TENM4: variants seen among roughly 807,000 people sequenced by gnomAD.
TENM4 encodes the protein teneurin transmembrane protein 4.
A neutral mutation model predicts 243.3 loss-of-function variants in TENM4; 82 were observed. That is an observed-to-expected ratio of 0.34 (90% CI 0.28 to 0.40). TENM4 has a LOEUF of 0.40. Among genes scored for constraint, TENM4 ranks in the 10% least tolerant of loss-of-function variants. The pLI is 1.00. For missense variants in TENM4, 3,138 were observed against 3,673.3 expected (o/e 0.85, Z 3.77); for synonymous variants, 1,412 against 1,456.3 (o/e 0.97, Z 0.69).
intron 1 of TENM4, among the ~76,000 whole-genome samples, chr11:79,357,560 C>T (rs1191765613): frequency 6.6e-6 from 1 of 152,184 alleles, no homozygotes; most frequent in Admixed American, 6.5e-5. Context: ...AATTCCTGCT[C>T]TTGAACATGG....
intron 26 of TENM4, among the ~76,000 whole-genome samples, chr11:78,709,030 C>T (rs923521159): frequency 1.7e-4 from 26 of 148,742 alleles, no homozygotes; most frequent in South Asian, 6.3e-4. Context: ...TGCAGTGGCG[C>T]GATCTCGGCT....
Position 79,203,948 on chromosome 11 carries a change from G to A in TENM4, c.-163+11860C>T, listed in dbSNP as rs144102697. On this transcript the variant is annotated intron_variant, in intron 3 of 33. Coordinates refer to ENST00000278550, the MANE Select transcript of TENM4 (RefSeq NM_001098816.3). Reference sequence around the variant, plus strand: ...CAACCTAGATAAACCTTGAAAACACGCTAAGTGAAAGAAGCCAGCCACAAA... The same window carrying A: ...CAACCTAGATAAACCTTGAAAACACACTAAGTGAAAGAAGCCAGCCACAAA... Among the ~76,000 whole-genome samples, 24 of 152,302 alleles carry A rather than the reference G, an allele frequency of 1.6e-4. No homozygotes were observed. The East Asian group carries it at 4.2e-3, about 27-fold the overall frequency.
intron 1 of TENM4, among the ~76,000 whole-genome samples, chr11:79,352,031 C>T (rs1326087716): frequency 1.3e-5 from 2 of 152,146 alleles, no homozygotes; most frequent in East Asian, 1.9e-4. Flanking sequence ...ATAATAATAC[C>T]TATTTCATAA....
intron 3 of TENM4, among the ~76,000 whole-genome samples, chr11:79,178,062 C>T (rs892807307): frequency 4.6e-5 from 7 of 152,118 alleles, no homozygotes; most frequent in East Asian, 1.9e-4. Flanking sequence ...GGAAGTAGTC[C>T]GATCATATAC....
intron 4 of TENM4, among the ~76,000 whole-genome samples, chr11:79,095,420 A>G (rs566583422): frequency 6.6e-6 from 1 of 152,346 alleles, no homozygotes; most frequent in African/African-American, 2.4e-5. Context: ...CTTACAAGCC[A>G]TATCATTAAT....
At chr11:78,768,568 T>C (rs1203286421) in intron 18 of TENM4, among the ~76,000 whole-genome samples, 1 of 152,252 alleles carries the variant, frequency 6.6e-6, no homozygotes, top group Non-Finnish European at 1.5e-5. Flanking sequence ...CCCAGTACCC[T>C]GGACAGGGCC....
chr11:79,358,729 C>T (rs1006106154), intron 1 of TENM4, among the ~76,000 whole-genome samples: 9 of 99,402 alleles, frequency 9.1e-5, no homozygotes, highest in African/African-American at 3.3e-4. Flanking sequence ...CTTCCCTCTT[C>T]CTTCCCTCTT....
At chr11:79,166,214 A>G (rs984476321) in intron 3 of TENM4, among the ~76,000 whole-genome samples, 3 of 152,180 alleles carry the variant, frequency 2.0e-5, no homozygotes, top group Admixed American at 1.3e-4. Context: ...GACTTGATGT[A>G]AGTCAAGACA....
intron 2 of TENM4, among the ~76,000 whole-genome samples, chr11:79,216,306 C>T (rs1177553251): frequency 2.0e-5 from 3 of 152,132 alleles, no homozygotes; most frequent in Admixed American, 1.3e-4. Flanking sequence ...GTAGGAACTG[C>T]GTGTTATTTG....
chr11:79,341,980 G>C (rs1857249462), intron 1 of TENM4, among the ~76,000 whole-genome samples: 1 of 152,186 alleles, frequency 6.6e-6, no homozygotes, highest in Non-Finnish European at 1.5e-5. Context: ...CCCTGGTGAG[G>C]ACAAAGGAGA....
At chr11:78,726,974 A>G (rs917896430) in intron 22 of TENM4, among the ~76,000 whole-genome samples, 1 of 152,244 alleles carries the variant, frequency 6.6e-6, no homozygotes, top group African/African-American at 2.4e-5. Context: ...TTAATATTGG[A>G]AACTTAGATG....
At chr11:78,774,138 G>A (rs907819728) in intron 17 of TENM4, among the ~76,000 whole-genome samples, 1 of 152,146 alleles carries the variant, frequency 6.6e-6, no homozygotes, top group East Asian at 1.9e-4. Flanking sequence ...GAGTATGTGA[G>A]AGTATTAAAT....
intron 1 of TENM4, among the ~76,000 whole-genome samples, chr11:79,335,903 T>C (rs1857139852): frequency 6.6e-6 from 1 of 152,190 alleles, no homozygotes; most frequent in Non-Finnish European, 1.5e-5. Flanking sequence ...GGATGAGCTC[T>C]TACAGACAGC....
intron 3 of TENM4, among the ~76,000 whole-genome samples, chr11:79,200,432 G>C (rs1426609572): frequency 6.6e-6 from 1 of 152,172 alleles, no homozygotes; most frequent in Non-Finnish European, 1.5e-5. Flanking sequence ...ACATGCCATA[G>C]GTTCCTTCAT....
At chr11:78,880,486 A>AG (rs1859405352) in intron 9 of TENM4, among the ~76,000 whole-genome samples, 4 of 132,536 alleles carry the variant, frequency 3.0e-5, no homozygotes, top group Admixed American at 1.6e-4. Context: ...AAAAAAAAAA[A>AG]AAAGAAAGAA....
intron 1 of TENM4, among the ~76,000 whole-genome samples, chr11:79,374,596 C>T (rs1017385518): frequency 2.0e-5 from 3 of 151,232 alleles, no homozygotes; most frequent in African/African-American, 4.9e-5. Context: ...TGGATTATAT[C>T]CTGAAGAGTT....
chr11:78,707,184 A>G (rs1217881075), intron 27 of TENM4, among the ~76,000 whole-genome samples: 1 of 152,202 alleles, frequency 6.6e-6, no homozygotes, highest in Admixed American at 6.5e-5. Context: ...AAAAAGCTAA[A>G]TGTTGCTGGA....
At chr11:78,896,614 A>G (rs1354521824) in intron 7 of TENM4, among the ~76,000 whole-genome samples, 1 of 151,946 alleles carries the variant, frequency 6.6e-6, no homozygotes, top group Non-Finnish European at 1.5e-5. Flanking sequence ...ACTACTTGCC[A>G]TCTCTCCAAA....
At chr11:79,386,999 G>A (rs1378328881) in intron 1 of TENM4, among the ~76,000 whole-genome samples, 2 of 152,064 alleles carry the variant, frequency 1.3e-5, no homozygotes, top group Non-Finnish European at 2.9e-5. Context: ...GAAAGTAACC[G>A]AATGTCCAGC....
Sources: gnomAD v4.1 joint callset for allele counts (sites outside exome capture counted in the v4.1 genomes callset) on GRCh38, gnomAD v4.1.1 for gene constraint, MANE v1.5 for transcripts, NCBI Gene and HGNC (gene_info 2026-07-23, HGNC 2026-07-21) for gene names.